The following ZNF622 variants were observed in gnomAD, a reference collection of about 807,000 sequenced individuals.
The protein encoded by ZNF622 is cytoplasmic 60S subunit biogenesis factor ZNF622.
Under a neutral mutation model 49.7 loss-of-function variants are expected in ZNF622, and 34 were observed. That is an observed-to-expected ratio of 0.68 (90% CI 0.52 to 0.91). The LOEUF is 0.91. Ranked by LOEUF, ZNF622 falls within the 40% of genes least tolerant of loss-of-function variation. ZNF622 has a pLI of 0.00. For synonymous variants in ZNF622, 209 were observed against 228.7 expected, an observed-to-expected ratio of 0.91 and a Z score of 0.78; for missense variants, 569 against 616.4, an observed-to-expected ratio of 0.92 and a Z score of 0.81.
In ZNF622 at chr5:16,465,254, C is replaced by A; in HGVS notation, c.412G>T (p.Ala138Ser). The A allele has an allele frequency of 6.2e-7, 1 of 1,614,238 alleles. No individual in the cohort carries two copies. The highest frequency in any genetic ancestry group is 8.5e-7 in the Non-Finnish European group (1 of 1,180,016). Residue 138 changes from alanine (A) to serine (S), a missense_variant, in exon 1 of 6, where the codon GCC (alanine) becomes TCC (serine). Ala to Ser is a moderately conservative substitution (Grantham distance 99, BLOSUM62 1). Transcript: ENST00000308683. This position sits in a 1 kb window ranked among gnomAD's most constrained non-coding sequence, Gnocchi z 6.2. Reference protein sequence around the residue: ...MNAAIQQAIKAQPSMSPKKAP... With the variant: ...MNAAIQQAIKSQPSMSPKKAP... ...TTCTTGGGAGACATGGACGGCTGGG[C>A]CTTGATGGCCTGCTGGATGGCCGCG...
chr5:16,464,899 G>C (rs1738187399), intron 1 of ZNF622, 142 bp downstream of exon 1: 1 of 1,259,286 alleles, frequency 7.9e-7, no homozygotes, highest in Admixed American at 2.4e-5. Context: ...AGGCACTTCA[G>C]AAAGCGTCTA....
rs1738157145 is a variant in ZNF622 at position 16,463,541 on chromosome 5, C to T, written c.827G>A (p.Ser276Asn). 6.2e-7 allele frequency: 1 copy of T among 1,614,008 alleles called. No homozygotes were observed. Among genetic ancestry groups the T allele is most frequent in the Admixed American group, 1.7e-5 (1 of 60,002 alleles). Residue 276 changes from serine (S) to asparagine (N), a missense_variant, in exon 2 of 6, where the codon AGT becomes AAT. Coordinates refer to ENST00000308683, the MANE Select transcript of ZNF622 (RefSeq NM_033414.3). This position sits in a 1 kb window ranked among gnomAD's most constrained non-coding sequence, Gnocchi z 4.2. ...ATATTCTATATCAGGAATAAAGAAA[C>T]TGTGGTCTTTGGTCATGTGAGCCAC... ...KNVAHMTKDH[S>N]FFIPDIEYLS... is the part of the protein sequence containing the mutation.
chr5:16,461,184 A>G (rs1738116343), intron 3 of ZNF622, among the ~76,000 whole-genome samples: 1 of 152,256 alleles, frequency 6.6e-6, no homozygotes, highest in South Asian at 2.1e-4. Flanking sequence ...AAAGGTCTTG[A>G]GAAACACACT....
At position 16,465,373 on chromosome 5, in the gene ZNF622, G is replaced by A. The variant is rs764032109; in HGVS notation, c.293C>T (p.Ala98Val). ...SRRHVELEKK[A>V]VQAVNRKVEM... ...CACTTTCCGATTCACTGCCTGCACGGCCTTCTTCTCCAGCTCAACGTGACG... is the reference window on the plus strand; with the variant it reads ...CACTTTCCGATTCACTGCCTGCACGACCTTCTTCTCCAGCTCAACGTGACG... Residue 98 changes from alanine (A) to valine (V), a missense_variant, in exon 1 of 6, where the codon GCC becomes GTC. Physicochemically the swap from Ala to Val is moderately conservative, Grantham distance 64 (BLOSUM62 0). Coordinates refer to ENST00000308683, the MANE Select transcript of ZNF622 (RefSeq NM_033414.3). The surrounding 1 kb of genome is among the most constrained non-coding windows in gnomAD (Gnocchi z 6.2). The A allele has an allele frequency of 1.1e-5, 18 of 1,614,108 alleles. No individual in the cohort carries two copies. The highest frequency in any genetic ancestry group is 1.5e-5 in the Non-Finnish European group (18 of 1,180,062).
intron 4 of ZNF622, among the ~76,000 whole-genome samples, chr5:16,456,300 A>G (rs371222257): frequency 6.6e-6 from 1 of 152,266 alleles, no homozygotes; most frequent in East Asian, 1.9e-4. Context: ...ACAATTTCTG[A>G]CATCCAATTG....
chr5:16,453,063 A>G lies in ZNF622; in HGVS notation c.1256T>C (p.Val419Ala), dbSNP rs766769507. 1.9e-6 allele frequency: 3 copies of G among 1,585,820 alleles called. No homozygotes were observed. The highest frequency in any genetic ancestry group is 2.7e-5 in the African/African-American group (2 of 74,336). ...TCTGTACTGCTGAAGTACTCGGCCC[A>G]CGGCCTTCCGATTTTTGGCAACTGC... The part of the protein sequence containing the change: ...AVAVAKNRKA[V>A]GRVLQQYRAL... The change falls in exon 5 of 6, where the codon GTG (valine) becomes GCG (alanine). Residue 419 changes from valine to alanine, a missense_variant. Transcript: ENST00000308683.
At chr5:16,464,955 A>G in intron 1 of ZNF622, 86 bp downstream of exon 1, 1 of 1,503,096 alleles carries the variant, frequency 6.7e-7, no homozygotes, top group Non-Finnish European at 8.9e-7. Flanking sequence ...TCAAACACAC[A>G]CACACACCCA....
At position 16,458,644 on chromosome 5, in the gene ZNF622, T is replaced by C. The variant is rs1163332960; in HGVS notation, c.1050-15A>G. 1.3e-6 allele frequency: 2 copies of C among 1,545,644 alleles called. No individual in the cohort carries two copies. The highest frequency in any genetic ancestry group is 1.8e-5 in the Admixed American group (1 of 55,012). On this transcript the variant is annotated splice_polypyrimidine_tract_variant and intron_variant, in intron 3 of 5. Transcript: ENST00000308683. Reference sequence around the variant, plus strand: ...GATAGCTACTCCTATAACAGAGAAATTGCACTAATAAATAGACTAATATCT... The same window carrying C: ...GATAGCTACTCCTATAACAGAGAAACTGCACTAATAAATAGACTAATATCT...
At position 16,451,622 on chromosome 5, in the gene ZNF622, TG is replaced by T; in HGVS notation, c.*34del. On this transcript the variant is annotated 3_prime_UTR_variant, in exon 6 of 6. Transcript: ENST00000308683. ...TGGTCCTCAGGGCAAGGAGGAAACT[TG>T]GGCAGGAGATGATTGCTCAATCCCA... 1.2e-6 allele frequency: 2 copies of T among 1,605,772 alleles called. No homozygotes were observed. Among genetic ancestry groups the T allele is most frequent in the Non-Finnish European group, 1.7e-6 (2 of 1,176,022 alleles).
intron 4 of ZNF622, among the ~76,000 whole-genome samples, chr5:16,454,033 T>C (rs535159568): frequency 5.9e-5 from 9 of 152,326 alleles, no homozygotes; most frequent in African/African-American, 1.9e-4. Context: ...GGTAAAACTA[T>C]GTGAGTCAAT....
intron 3 of ZNF622, among the ~76,000 whole-genome samples, chr5:16,460,074 C>G (rs73753390): frequency 0.053 from 8,110 of 152,184 alleles, 667 homozygotes; most frequent in African/African-American, 0.18. Context: ...GTTCCAGTCC[C>G]TGATATAAAA....
intron 4 of ZNF622, among the ~76,000 whole-genome samples, chr5:16,453,564 T>TAC: frequency 2.6e-5 from 1 of 38,058 alleles, no homozygotes; most frequent in Non-Finnish European, 4.7e-5. Flanking sequence ...AAAAATTATA[T>TAC]ATATATATAT....
intron 4 of ZNF622, among the ~76,000 whole-genome samples, chr5:16,455,161 C>T (rs1020230908): frequency 1.3e-5 from 2 of 152,172 alleles, no homozygotes; most frequent in Non-Finnish European, 2.9e-5. Context: ...GGATAGTTGG[C>T]TAGGTAGAAC....
In ZNF622 at chr5:16,453,018, C is replaced by T; in HGVS notation, c.1301G>A (p.Ser434Asn). The change falls in exon 5 of 6, where the codon AGC (serine) becomes AAC (asparagine). Residue 434 changes from serine to asparagine, a missense_variant. Transcript: ENST00000308683. The stretch of plus-strand genomic sequence containing the variant: ...AGTTGTAAAGATCAATGTACCTGTG[C>T]TGCCAGTCCATCCCAGGGCTCTGTA... ...QQYRALGWTG[S>N]TGAALMRERD... 6.8e-7 allele frequency: 1 copy of T among 1,467,398 alleles called. No homozygotes were observed. The highest frequency in any genetic ancestry group is 9.1e-7 in the Non-Finnish European group (1 of 1,099,146). The allele number at this position is 1,467,398 out of a possible 1,614,324, so 90.9% of individuals were successfully genotyped here.
Position 16,465,034 on chromosome 5 carries a change from C to T in ZNF622, c.625+7G>A. 3 of 1,568,968 alleles carry T rather than the reference C, an allele frequency of 1.9e-6. No individual in the cohort carries two copies. The highest frequency in any genetic ancestry group is 2.6e-6 in the Non-Finnish European group (3 of 1,158,020). On this transcript the variant is annotated splice_region_variant and intron_variant, in intron 1 of 5. Transcript: ENST00000308683. The surrounding 1 kb of genome is among the most constrained non-coding windows in gnomAD (Gnocchi z 6.2). The stretch of plus-strand genomic sequence containing the variant: ...CTTTACCCTCCCCGCCCAGACAGGG[C>T]CATCACCGTCTCCATCCAGGTCCTC...
intron 4 of ZNF622, among the ~76,000 whole-genome samples, chr5:16,453,559 T>TTATATATATATATATATATATATTTATA (rs1737968744): frequency 1.5e-5 from 1 of 67,158 alleles, no homozygotes; most frequent in Non-Finnish European, 3.2e-5. Context: ...TAAATAAAAA[T>TTATATATATATATATATATATATTTATA]TATATATATA....
chr5:16,460,980 T>A (rs985511033), intron 3 of ZNF622, among the ~76,000 whole-genome samples: 1 of 151,994 alleles, frequency 6.6e-6, no homozygotes, highest in Non-Finnish European at 1.5e-5. Flanking sequence ...TAATATACAA[T>A]ACACACAATG....
At chr5:16,452,449 G>A (rs1480179604) in intron 5 of ZNF622, among the ~76,000 whole-genome samples, 1 of 151,964 alleles carries the variant, frequency 6.6e-6, no homozygotes, top group Admixed American at 6.6e-5. Context: ...TTTTCTATGG[G>A]AAAATTACAA....
rs761746661 is a variant in ZNF622, at chr5:16,463,555, C to A, written c.813G>T (p.Met271Ile). 19 of 1,614,058 alleles carry A rather than the reference C, an allele frequency of 1.2e-5. No individual in the cohort carries two copies. The highest frequency in any genetic ancestry group is 9.3e-6 in the Non-Finnish European group (11 of 1,180,040). Residue 271 changes from methionine (M) to isoleucine (I), a missense_variant, in exon 2 of 6, where the codon ATG (methionine) becomes ATT (isoleucine). Coordinates refer to ENST00000308683, the MANE Select transcript of ZNF622 (RefSeq NM_033414.3). This position sits in a 1 kb window ranked among gnomAD's most constrained non-coding sequence, Gnocchi z 4.2. ...SSSLMKNVAH[M>I]TKDHSFFIPD... ...GAATAAAGAAACTGTGGTCTTTGGT[C>A]ATGTGAGCCACATTCTTCATCAGCG...
Sources: gnomAD v4.1 joint callset for allele counts (sites outside exome capture counted in the v4.1 genomes callset) on GRCh38, gnomAD v4.1.1 for gene constraint, Gnocchi (gnomAD v3.1) non-coding constraint, MANE v1.5 for transcripts, NCBI Gene and HGNC (gene_info 2026-07-23, HGNC 2026-07-21) for gene names.